The following VPS53 variants were observed in gnomAD, a reference collection of about 807,000 sequenced individuals.
The protein encoded by VPS53 is vacuolar protein sorting-associated protein 53 homolog.
Under a neutral mutation model 107.0 loss-of-function variants are expected in VPS53, and 70 were observed. That is an observed-to-expected ratio of 0.65 (90% CI 0.54 to 0.80). The LOEUF is 0.80. VPS53 is among the 30% of genes least tolerant of loss of function. The pLI is 0.00. For synonymous variants in VPS53, 409 were observed against 393.3 expected (o/e 1.04, Z -0.47); for missense variants, 917 against 1,049.4 (o/e 0.87, Z 1.74).
intron 11 of VPS53, among the ~76,000 whole-genome samples, chr17:606,187 G>A (rs1968570842): frequency 6.6e-6 from 1 of 152,132 alleles, no homozygotes; most frequent in African/African-American, 2.4e-5. Flanking sequence ...GTGAGAACGA[G>A]GGTGAGGGAA....
At chr17:584,029 C>A (rs1967190061) in intron 13 of VPS53, among the ~76,000 whole-genome samples, 1 of 152,180 alleles carries the variant, frequency 6.6e-6, no homozygotes. Context: ...CCCTCAGTAC[C>A]TAATGCATTC....
chr17:641,240 T>C (rs1389672775), intron 7 of VPS53, among the ~76,000 whole-genome samples: 1 of 152,200 alleles, frequency 6.6e-6, no homozygotes, highest in Non-Finnish European at 1.5e-5. Context: ...ATGGTATCTA[T>C]AGACCCAAAC....
intron 17 of VPS53, among the ~76,000 whole-genome samples, chr17:540,983 T>C (rs1251651536): frequency 6.6e-6 from 1 of 152,218 alleles, no homozygotes; most frequent in African/African-American, 2.4e-5. Flanking sequence ...ATCTTGTTTT[T>C]TCCTATTGCT....
chr17:522,230 C>T (rs577972199), intron 19 of VPS53, among the ~76,000 whole-genome samples: 1 of 152,248 alleles, frequency 6.6e-6, no homozygotes, highest in South Asian at 2.1e-4. Flanking sequence ...AACTCTCCAG[C>T]CTGGGTGACA....
Position 519,524 on chromosome 17 carries a change from AGAG to A in VPS53, c.2329-229_2329-227del, listed in dbSNP as rs1314440284. On this transcript the variant is annotated intron_variant, in intron 21 of 21. Coordinates refer to ENST00000437048, the MANE Select transcript of VPS53 (RefSeq NM_001128159.3). The surrounding 1 kb of genome is among the most constrained non-coding windows in gnomAD (Gnocchi z 5.0). ...AAAGGAAGGGAAAGAAGCGGCTGACAGAGGAGAAAGGACAGGTCAAGAAGGTGG... is the reference window on the plus strand; with the variant it reads ...AAAGGAAGGGAAAGAAGCGGCTGACAGAGAAAGGACAGGTCAAGAAGGTGG... Among the ~76,000 whole-genome samples the A allele has an allele frequency of 1.3e-5, 2 of 152,214 alleles. No individual in the cohort carries two copies. The highest frequency in any genetic ancestry group is 1.9e-4 in the East Asian group (1 of 5,192).
rs11653781 is a variant in VPS53 at position 710,767 on chromosome 17, G to A, written c.88-154C>T. ...GGCCAAAGCAGATGGATCACCTGAGGTCAGGTCTCTACTAAAAATAAAAAC... is the reference window on the plus strand; with the variant it reads ...GGCCAAAGCAGATGGATCACCTGAGATCAGGTCTCTACTAAAAATAAAAAC... On this transcript the variant is annotated intron_variant, in intron 1 of 21. Transcript: ENST00000437048. Among the ~76,000 whole-genome samples the A allele has an allele frequency of 0.039, 5,905 of 152,028 alleles. 165 individuals are homozygous for A. The highest frequency in any genetic ancestry group is 0.094 in the Admixed American group (1,435 of 15,210).
chr17:682,046 T>C (rs1972411785), intron 4 of VPS53, among the ~76,000 whole-genome samples: 1 of 152,230 alleles, frequency 6.6e-6, no homozygotes, highest in Non-Finnish European at 1.5e-5. Flanking sequence ...TGGCTTCACA[T>C]AGATATATGT....
At chr17:656,148 T>C (rs1971178804) in intron 5 of VPS53, among the ~76,000 whole-genome samples, 195 bp from the exon 6 acceptor site, 1 of 152,214 alleles carries the variant, frequency 6.6e-6, no homozygotes, top group Non-Finnish European at 1.5e-5. Flanking sequence ...TCTTTGGACT[T>C]TACTCAGGGT....
chr17:551,196 G>A (rs1432820940), intron 17 of VPS53, among the ~76,000 whole-genome samples: 1 of 151,942 alleles, frequency 6.6e-6, no homozygotes, highest in Non-Finnish European at 1.5e-5. Flanking sequence ...CATTCATTTG[G>A]GAAAAAAAGG....
At chr17:659,255 G>C (rs394747) in intron 5 of VPS53, among the ~76,000 whole-genome samples, 52,735 of 151,888 alleles carry the variant, frequency 0.35, 11,008 homozygotes, top group Non-Finnish European at 0.47. Context: ...TTTAGCTTCA[G>C]TCTAACATAG....
intron 13 of VPS53, among the ~76,000 whole-genome samples, chr17:582,456 C>T (rs1967078170): frequency 6.7e-6 from 1 of 148,740 alleles, no homozygotes; most frequent in African/African-American, 2.4e-5. Context: ...TAATGCATTC[C>T]CAAAGAACCT....
At chr17:625,697 T>C (rs899113584) in intron 10 of VPS53, among the ~76,000 whole-genome samples, 1 of 152,204 alleles carries the variant, frequency 6.6e-6, no homozygotes, top group African/African-American at 2.4e-5. Context: ...AATTCTGCTG[T>C]GAACCTAAAA....
chr17:561,881 C>T (rs900927309), intron 14 of VPS53, among the ~76,000 whole-genome samples: 6 of 152,194 alleles, frequency 3.9e-5, no homozygotes, highest in Non-Finnish European at 8.8e-5. Context: ...CCTCCTGCCT[C>T]GGCTGCCCCC....
intron 11 of VPS53, among the ~76,000 whole-genome samples, chr17:604,038 A>T (rs1470865913): frequency 6.6e-6 from 1 of 152,228 alleles, no homozygotes; most frequent in African/African-American, 2.4e-5. Context: ...AAAAGCTTTG[A>T]TCAAAATCAT....
chr17:669,279 C>T (rs1212538563), intron 4 of VPS53, among the ~76,000 whole-genome samples: 4 of 152,098 alleles, frequency 2.6e-5, no homozygotes, highest in African/African-American at 9.7e-5. Flanking sequence ...GGCACTGTCC[C>T]TAGACACTTT....
chr17:710,737 T>C (rs1973611641), intron 1 of VPS53, 124 bp from the exon 2 acceptor site: 4 of 656,258 alleles, frequency 6.1e-6, no homozygotes, highest in Non-Finnish European at 1.0e-5. Context: ...CACAGCACTT[T>C]GGGAGGCCAA....
intron 19 of VPS53, among the ~76,000 whole-genome samples, chr17:525,409 C>G (rs74251918): frequency 0.024 from 3,720 of 152,206 alleles, 56 homozygotes; most frequent in East Asian, 0.069. Flanking sequence ...CTAAAGCAGG[C>G]AGGGTGTGGC....
intron 17 of VPS53, chr17:538,786 G>C (rs896447041): frequency 6.6e-6 from 1 of 152,094 alleles, no homozygotes; most frequent in Non-Finnish European, 1.5e-5. Flanking sequence ...TTATTACTGG[G>C]AAAAAACAGA....
At chr17:710,701 C>A in intron 1 of VPS53, 88 bp from the exon 2 acceptor site, 1 of 1,044,586 alleles carries the variant, frequency 9.6e-7, no homozygotes, top group Non-Finnish European at 1.4e-6. Context: ...AGGAAAGGGC[C>A]GGGCACGGTG....
Sources: gnomAD v4.1 joint callset for allele counts (sites outside exome capture counted in the v4.1 genomes callset) on GRCh38, gnomAD v4.1.1 for gene constraint, Gnocchi (gnomAD v3.1) non-coding constraint, MANE v1.5 for transcripts, NCBI Gene and HGNC (gene_info 2026-07-23, HGNC 2026-07-21) for gene names.